Variants in TIMP2 observed in about 807,000 individuals in gnomAD.
TIMP2 encodes the protein metalloproteinase inhibitor 2.
Under a neutral mutation model 24.3 loss-of-function variants are expected in TIMP2, and 5 were observed. The observed-to-expected ratio is 0.21, with a 90% CI of 0.11 to 0.43. The LOEUF is 0.43. Among genes scored for constraint, TIMP2 ranks in the 20% least tolerant of loss-of-function variants. TIMP2 has a pLI of 1.00. For synonymous variants in TIMP2, 130 were observed against 123.2 expected (o/e 1.06, Z -0.37); for missense variants, 221 against 297.5 (o/e 0.74, Z 1.89).
rs2069501440 is a variant in TIMP2 at position 78,853,649 on chromosome 17, G to A, written c.*2018C>T. On this transcript the variant is annotated 3_prime_UTR_variant, in exon 5 of 5. Coordinates refer to ENST00000262768, the MANE Select transcript of TIMP2 (RefSeq NM_003255.5). ...GAAGGAATCCACCTGCATAGGCCACGCGTTCCACTCTGGGTCAAATGCTTC... is the reference window on the plus strand; with the variant it reads ...GAAGGAATCCACCTGCATAGGCCACACGTTCCACTCTGGGTCAAATGCTTC... The A allele has an allele frequency of 1.3e-5, 2 of 152,634 alleles. No individual in the cohort carries two copies. The highest frequency in any genetic ancestry group is 1.5e-5 in the Non-Finnish European group (1 of 68,058). 9.5% of individuals were successfully genotyped at this position (152,634 alleles called of 1,614,324 possible). A position where few individuals can be genotyped will look rare whatever the true frequency, so the allele number is the denominator to read the frequency against.
chr17:78,874,705 G>T (rs1296897124), intron 1 of TIMP2, among the ~76,000 whole-genome samples: 1 of 151,680 alleles, frequency 6.6e-6, no homozygotes, highest in Non-Finnish European at 1.5e-5. Flanking sequence ...AGCCTCTCAA[G>T]TAGCTGGGAT....
In TIMP2 at chr17:78,925,067, G is replaced by C; in HGVS notation, c.22C>G (p.Leu8Val). The C allele has an allele frequency of 8.7e-7, 1 of 1,149,884 alleles. No individual in the cohort carries two copies. The highest frequency in any genetic ancestry group is 1.1e-6 in the Non-Finnish European group (1 of 934,670). 71.2% of individuals were successfully genotyped at this position (1,149,884 alleles called of 1,614,324 possible). A position where few individuals can be genotyped will look rare whatever the true frequency, so the allele number is the denominator to read the frequency against. Residue 8 changes from leucine to valine, a missense_variant, in exon 1 of 5, where the codon CTG (leucine) becomes GTG (valine). By Grantham distance (32) the Leu-to-Val change is conservative. Transcript: ENST00000262768. MGAAARTLRLALGLLLLA... is the reference protein window; with the variant it reads MGAAARTVRLALGLLLLA... The stretch of plus-strand genomic sequence containing the variant: ...AGCAGGAGGCCGAGCGCCAGCCGCA[G>C]GGTGCGGGCCGCGGCGCCCATGGCG...
Position 78,871,014 on chromosome 17 carries a change from G to A in TIMP2, c.232-8C>T. 6.2e-7 allele frequency: 1 copy of A among 1,609,146 alleles called. No homozygotes were observed. Among genetic ancestry groups the A allele is most frequent in the South Asian group, 1.1e-5 (1 of 90,362 alleles). The stretch of plus-strand genomic sequence containing the variant: ...CTCAGGCCCTTTGAACATCTGGAAA[G>A]ACAAGGAGGAGGACATGTAAGCAGA... On this transcript the variant is annotated splice_region_variant and splice_polypyrimidine_tract_variant and intron_variant, in intron 2 of 4. Transcript: ENST00000262768.
intron 1 of TIMP2, chr17:78,890,868 T>G (rs1185232043): frequency 1.3e-6 from 2 of 1,550,652 alleles, no homozygotes; most frequent in Non-Finnish European, 1.7e-6. Context: ...CGAGCTCTTC[T>G]TTGCTCCCTC....
At chr17:78,905,517 C>T (rs2070150695) in intron 1 of TIMP2, among the ~76,000 whole-genome samples, 1 of 152,222 alleles carries the variant, frequency 6.6e-6, no homozygotes, top group African/African-American at 2.4e-5. Context: ...GCCTTGACGC[C>T]CATTCTAAAG....
chr17:78,892,998 G>A (rs1330712933), intron 1 of TIMP2, among the ~76,000 whole-genome samples: 8 of 152,178 alleles, frequency 5.3e-5, no homozygotes, highest in African/African-American at 1.9e-4. Flanking sequence ...CCTCTGGAGG[G>A]AGAATTGATC....
intron 1 of TIMP2, chr17:78,899,518 G>A (rs1250122407): frequency 2.0e-5 from 3 of 152,228 alleles, no homozygotes; most frequent in African/African-American, 7.2e-5. Context: ...CTGCGGGAGG[G>A]GCCCAGGAAT....
In TIMP2 at chr17:78,891,296, G is replaced by A. The variant is rs1246323933; in HGVS notation, c.131-17377C>T. ...CTCTGCTGGGCTCCTGGGTTCCCCG[G>A]CAGGCAGCATCTCTGGGTCTGCCAT... is the stretch of plus-strand genomic sequence containing the variant. On this transcript the variant is annotated intron_variant, in intron 1 of 4. Transcript: ENST00000262768. The surrounding 1 kb of genome is among the most constrained non-coding windows in gnomAD (Gnocchi z 4.5). 3.9e-6 allele frequency: 6 copies of A among 1,550,418 alleles called. No individual in the cohort carries two copies. The African/African-American group carries it at 6.8e-5, about 18-fold the overall frequency.
intron 1 of TIMP2, among the ~76,000 whole-genome samples, chr17:78,885,851 G>A (rs529262607): frequency 6.6e-6 from 1 of 152,288 alleles, no homozygotes; most frequent in Admixed American, 6.5e-5. Context: ...TGGAGGCATG[G>A]GACGGGGTGA....
At chr17:78,858,384 A>C (rs2069542186) in intron 3 of TIMP2, among the ~76,000 whole-genome samples, 1 of 152,032 alleles carries the variant, frequency 6.6e-6, no homozygotes, top group South Asian at 2.1e-4. Flanking sequence ...CGGAGGTTGC[A>C]GTGAGCCGAG....
rs1181798203 is a variant in TIMP2, at chr17:78,924,997, G to T, written c.92C>A (p.Pro31Gln). The T allele has an allele frequency of 1.5e-6, 2 of 1,302,742 alleles. No individual in the cohort carries two copies. The highest frequency in any genetic ancestry group is 2.0e-6 in the Non-Finnish European group (2 of 1,015,808). 80.7% of individuals were successfully genotyped at this position (1,302,742 alleles called of 1,614,324 possible). The change falls in exon 1 of 5, where the codon CCG becomes CAG. Residue 31 changes from proline (P) to glutamine (Q), a missense_variant. By Grantham distance (76) the Pro-to-Gln change is moderately conservative (BLOSUM62 -1). Coordinates refer to ENST00000262768, the MANE Select transcript of TIMP2 (RefSeq NM_003255.5). The surrounding 1 kb of genome is among the most constrained non-coding windows in gnomAD (Gnocchi z 5.3). ...LRPADACSCS[P>Q]VHPQQAFCNA... is the part of the protein sequence containing the mutation. ...GCAAAACGCCTGTTGCGGGTGCACC[G>T]GGGAGCAGCTGCAGGCGTCGGCCGG... is the stretch of plus-strand genomic sequence containing the variant.
At chr17:78,881,047 G>C (rs1395556607) in intron 1 of TIMP2, among the ~76,000 whole-genome samples, 1 of 152,242 alleles carries the variant, frequency 6.6e-6, no homozygotes, top group Non-Finnish European at 1.5e-5. Flanking sequence ...TGTCTGCCCA[G>C]ACGAGGTGCA....
chr17:78,881,062 T>A (rs1452077825), intron 1 of TIMP2, among the ~76,000 whole-genome samples: 3 of 152,196 alleles, frequency 2.0e-5, no homozygotes, highest in South Asian at 4.1e-4. Context: ...GGTGCAGGGA[T>A]CCCTGGGACT....
chr17:78,876,311 C>A (rs2069727665), intron 1 of TIMP2, among the ~76,000 whole-genome samples: 1 of 152,138 alleles, frequency 6.6e-6, no homozygotes, highest in Middle Eastern at 3.2e-3. Context: ...CTGCCCTGAA[C>A]ACGCCCAGGT....
intron 1 of TIMP2, chr17:78,900,956 A>G (rs4789866): frequency 0.95 from 145,466 of 152,380 alleles, 69,447 homozygotes; most frequent in South Asian, 0.97. Context: ...CAGCCCAGCC[A>G]GCCCGACCTC....
chr17:78,859,127 T>C (rs899750712), intron 3 of TIMP2, among the ~76,000 whole-genome samples: 14 of 152,222 alleles, frequency 9.2e-5, no homozygotes, highest in Non-Finnish European at 2.1e-4. Flanking sequence ...TTTTCCATTA[T>C]GAAGAGCCAA....
At chr17:78,910,756 C>T (rs1226738226) in intron 1 of TIMP2, among the ~76,000 whole-genome samples, 2 of 152,168 alleles carry the variant, frequency 1.3e-5, no homozygotes, top group African/African-American at 2.4e-5. Context: ...ATTCATGTTG[C>T]TGCAAATGAC....
chr17:78,893,484 T>C (rs2069949764), intron 1 of TIMP2, among the ~76,000 whole-genome samples: 2 of 150,942 alleles, frequency 1.3e-5, no homozygotes, highest in Non-Finnish European at 1.5e-5. Flanking sequence ...GCGGTGTGTG[T>C]GCAGGGGTGT....
At chr17:78,907,282 C>T (rs898020526) in intron 1 of TIMP2, among the ~76,000 whole-genome samples, 10 of 152,138 alleles carry the variant, frequency 6.6e-5, no homozygotes, top group Admixed American at 5.9e-4. Context: ...GTGATCCTCC[C>T]GCCTCAGCCT....
Sources: gnomAD v4.1 joint callset for allele counts (sites outside exome capture counted in the v4.1 genomes callset) on GRCh38, gnomAD v4.1.1 for gene constraint, Gnocchi (gnomAD v3.1) non-coding constraint, MANE v1.5 for transcripts, NCBI Gene and HGNC (gene_info 2026-07-23, HGNC 2026-07-21) for gene names.